The following GEMIN7 variants were observed in gnomAD, a reference collection of about 807,000 sequenced individuals.
GEMIN7 encodes gem nuclear organelle associated protein 7.
In GEMIN7, 7 loss-of-function variants were observed where a neutral mutation model predicts 7.8. That is an observed-to-expected ratio of 0.90 (90% CI 0.51 to 1.69). The LOEUF (loss-of-function observed/expected upper bound fraction) is 1.69, where lower values mean the gene tolerates loss of function less well. Among genes scored for constraint, GEMIN7 ranks in the 40% most tolerant of loss-of-function variants. GEMIN7 has a pLI of 0.00. For missense variants in GEMIN7, 159 were observed against 176.2 expected (o/e 0.90, Z 0.55); for synonymous variants, 68 against 72.4 (o/e 0.94, Z 0.31).
At chr19:45,075,914 G>A, upstream of GEMIN7, 1 of 1,607,378 alleles carries the variant, frequency 6.2e-7, no homozygotes, top group Non-Finnish European at 8.5e-7. Context: ...GATGGGGGCT[G>A]AGGGTGCTGA....
At chr19:45,076,452 G>A (rs1471136202), upstream of GEMIN7, 12 of 1,078,390 alleles carry the variant, frequency 1.1e-5, no homozygotes, top group Non-Finnish European at 1.3e-5. The surrounding 1 kb of genome is among the most constrained non-coding windows in gnomAD (Gnocchi z 4.9). Flanking sequence ...GAGGACGCGC[G>A]GACCGTGCGC....
chr19:45,077,320 G>C (rs1044555444), upstream of GEMIN7, among the ~76,000 whole-genome samples: 1 of 152,164 alleles, frequency 6.6e-6, no homozygotes, highest in South Asian at 2.1e-4. Context: ...TCCTAGACCA[G>C]AAGTCGCCAT....
At chr19:45,080,272 G>A (rs1408620409) in intron 2 of GEMIN7, among the ~76,000 whole-genome samples, 3 of 152,118 alleles carry the variant, frequency 2.0e-5, no homozygotes, top group Non-Finnish European at 4.4e-5. Context: ...TTTCTTATCA[G>A]GTCACACCTT....
At position 45,090,343 on chromosome 19, in the gene GEMIN7, C is replaced by T; in HGVS notation, c.229C>T (p.Gln77Ter). 2 of 1,614,200 alleles carry T rather than the reference C, an allele frequency of 1.2e-6. No homozygotes were observed. The highest frequency in any genetic ancestry group is 2.2e-5 in the South Asian group (2 of 91,086). Reference sequence around the variant, plus strand: ...CAGCCTGCTGGCCATGGTGGGTCATCAGGTGAGCTTCACGTTGCACGAGGG... The same window carrying T: ...CAGCCTGCTGGCCATGGTGGGTCATTAGGTGAGCTTCACGTTGCACGAGGG... ...LRSLLAMVGH[Q>*]VSFTLHEGVR... The change falls in exon 3 of 3, where the codon CAG becomes TAG. Residue 77 changes from glutamine (Q) to a stop codon, truncating the protein, a stop_gained. Coordinates refer to ENST00000270257, the MANE Select transcript of GEMIN7 (RefSeq NM_024707.3). LOFTEE classifies it high-confidence loss of function.
At chr19:45,089,870 T>C (rs1967831520) in intron 2 of GEMIN7, among the ~76,000 whole-genome samples, 2 of 152,192 alleles carry the variant, frequency 1.3e-5, no homozygotes, top group Non-Finnish European at 2.9e-5. Flanking sequence ...ATAAAAACAT[T>C]ATAAAAGCAG....
At chr19:45,084,751 T>C (rs1012902530) in intron 2 of GEMIN7, among the ~76,000 whole-genome samples, 1 of 152,076 alleles carries the variant, frequency 6.6e-6, no homozygotes, top group Non-Finnish European at 1.5e-5. Flanking sequence ...CCCAGCTAAT[T>C]TTATTTATTT....
chr19:45,081,494 T>G (rs999922669), intron 2 of GEMIN7, among the ~76,000 whole-genome samples: 3 of 149,444 alleles, frequency 2.0e-5, no homozygotes, highest in Admixed American at 1.3e-4. Flanking sequence ...AACTATCCCT[T>G]AATTCCATTC....
upstream of GEMIN7, among the ~76,000 whole-genome samples, chr19:45,078,810 G>A (rs925891230): frequency 2.0e-5 from 3 of 152,166 alleles, no homozygotes; most frequent in African/African-American, 7.2e-5. Flanking sequence ...TGCAGGGAGA[G>A]CTGGAGGACA....
At chr19:45,076,529 G>A (rs1446440827), upstream of GEMIN7, 1 of 495,698 alleles carries the variant, frequency 2.0e-6, no homozygotes, top group Non-Finnish European at 3.1e-6. This position sits in a 1 kb window ranked among gnomAD's most constrained non-coding sequence, Gnocchi z 4.9. Flanking sequence ...CCGTGGCTCC[G>A]CCTACCAGGG....
At chr19:45,083,879 G>A (rs1295484602) in intron 2 of GEMIN7, among the ~76,000 whole-genome samples, 2 of 151,884 alleles carry the variant, frequency 1.3e-5, no homozygotes, top group African/African-American at 4.8e-5. Context: ...AATTACAGGT[G>A]TGAGCCACCT....
intron 2 of GEMIN7, among the ~76,000 whole-genome samples, chr19:45,080,726 G>A (rs1967471301): frequency 6.6e-6 from 1 of 151,408 alleles, no homozygotes; most frequent in Admixed American, 6.6e-5. Flanking sequence ...TTACAAAAAT[G>A]GGGATTGCAT....
intron 2 of GEMIN7, among the ~76,000 whole-genome samples, chr19:45,084,009 A>G (rs8111429): frequency 0.56 from 84,034 of 151,302 alleles, 24,054 homozygotes; most frequent in African/African-American, 0.66. Context: ...TAAGGAGTTC[A>G]AGACCAGCCT....
At chr19:45,077,803 G>A (rs551325938), upstream of GEMIN7, among the ~76,000 whole-genome samples, 1 of 151,926 alleles carries the variant, frequency 6.6e-6, no homozygotes, top group Non-Finnish European at 1.5e-5. Context: ...AGGTAGGGCA[G>A]GTTGGAACTA....
rs1967885141 is a variant in GEMIN7 at position 45,091,327 on chromosome 19, T to TC, written c.*820dup. 1.8e-5 allele frequency: 3 copies of TC among 167,112 alleles called. No individual in the cohort carries two copies. The highest frequency in any genetic ancestry group is 4.4e-5 in the Non-Finnish European group (3 of 68,120). The allele number at this position is 167,112 out of a possible 1,614,324, so 10.4% of individuals were successfully genotyped here. A position where few individuals can be genotyped will look rare whatever the true frequency, so the allele number is the denominator to read the frequency against. On this transcript the variant is annotated 3_prime_UTR_variant, in exon 3 of 3. Transcript: ENST00000270257. ...ATTCGCGATCAGGGTGCAACTTCAC[T>TC]CCCTCCTCTTTTCTCTCCAGCCTTG...
At chr19:45,076,438 A>G, upstream of GEMIN7, 5 of 1,152,348 alleles carry the variant, frequency 4.3e-6, no homozygotes, top group Admixed American at 1.3e-4. The surrounding 1 kb of genome is among the most constrained non-coding windows in gnomAD (Gnocchi z 4.9). Context: ...AGGACGCACG[A>G]GCGGAGGACG....
intron 2 of GEMIN7, among the ~76,000 whole-genome samples, chr19:45,085,053 G>GT (rs1347356444): frequency 6.6e-6 from 1 of 152,164 alleles, no homozygotes; most frequent in East Asian, 1.9e-4. Context: ...AATTACAGGC[G>GT]TGAGCCACAG....
At chr19:45,079,847 A>T (rs1967439826) in intron 1 of GEMIN7, 60 bp from the exon 2 acceptor site, 1 of 152,212 alleles carries the variant, frequency 6.6e-6, no homozygotes, top group Non-Finnish European at 1.5e-5. Flanking sequence ...TCAGCAGCCG[A>T]TGATGTCTGT....
chr19:45,076,432 C>G, upstream of GEMIN7: 1 of 1,184,282 alleles, frequency 8.4e-7, no homozygotes, highest in Non-Finnish European at 1.1e-6. This position sits in a 1 kb window ranked among gnomAD's most constrained non-coding sequence, Gnocchi z 4.9. Flanking sequence ...GGGCGGAGGA[C>G]GCACGAGCGG....
At chr19:45,084,781 G>A (rs1235086707) in intron 2 of GEMIN7, among the ~76,000 whole-genome samples, 1 of 152,190 alleles carries the variant, frequency 6.6e-6, no homozygotes, top group Non-Finnish European at 1.5e-5. Flanking sequence ...TTGAGACAGA[G>A]TTTCACTCTT....
Sources: allele counts gnomAD v4.1 joint callset (sites outside exome capture counted in the v4.1 genomes callset), GRCh38; gene constraint gnomAD v4.1.1; non-coding constraint Gnocchi (gnomAD v3.1); transcripts MANE v1.5; gene names NCBI Gene and HGNC (gene_info 2026-07-23, HGNC 2026-07-21).